Variants in PRSS58 observed in about 807,000 individuals in gnomAD.
The protein encoded by PRSS58 is protease, serine 58.
A neutral mutation model predicts 25.0 loss-of-function variants in PRSS58; 31 were observed. That is an observed-to-expected ratio of 1.24 (90% CI 0.93 to 1.67). The LOEUF is 1.67. Among genes scored for constraint, PRSS58 ranks in the 40% most tolerant of loss-of-function variants. PRSS58 has a pLI of 0.00. For synonymous variants in PRSS58, 119 were observed against 106.1 expected, an observed-to-expected ratio of 1.12 and a Z score of -0.75; for missense variants, 324 against 287.9, an observed-to-expected ratio of 1.13 and a Z score of -0.91.
intron 2 of PRSS58, among the ~76,000 whole-genome samples, chr7:142,256,189 G>A (rs969179668): frequency 1.4e-4 from 21 of 152,148 alleles, no homozygotes; most frequent in Middle Eastern, 3.2e-3. Context: ...TATATGTCAA[G>A]CTCTGTTTTA....
intron 5 of PRSS58, 27 bp from the exon 6 acceptor site, chr7:142,252,397 ACAAAAAAGCAGATTATCTTTCTGG>A: frequency 6.2e-7 from 1 of 1,611,202 alleles, no homozygotes; most frequent in Middle Eastern, 1.7e-4. Flanking sequence ...AATAACAACA[ACAAAAAAGCAGATTATCTTTCTGG>A]CAAGACAGAA....
chr7:142,255,646 G>A lies in PRSS58; in HGVS notation c.68C>T (p.Thr23Ile), dbSNP rs1206532188. The A allele has an allele frequency of 6.2e-7, 1 of 1,613,190 alleles. No homozygotes were observed. Among genetic ancestry groups the A allele is most frequent in the Non-Finnish European group, 8.5e-7 (1 of 1,179,562 alleles). Residue 23 changes from threonine to isoleucine, a missense_variant, in exon 3 of 6, where the codon ACA (threonine) becomes ATA (isoleucine). By Grantham distance (89) the Thr-to-Ile change is moderately conservative (BLOSUM62 -1). Coordinates refer to ENST00000547058, the MANE Select transcript of PRSS58 (RefSeq NM_001001317.5). ...CAAGTAAGGGGGAGTGGAGCTGACT[G>A]TGTAATCTGGATTAAAGGCCAAAGC... Reference protein sequence around the residue: ...TVALAFNPDYTVSSTPPYLVY... With the variant: ...TVALAFNPDYIVSSTPPYLVY...
chr7:142,253,554 A>C (rs2226959), intron 4 of PRSS58, among the ~76,000 whole-genome samples: 1 of 152,134 alleles, frequency 6.6e-6, no homozygotes, highest in East Asian at 1.9e-4. Context: ...TTCCACGGAC[A>C]TTTCTTTGGG....
rs769539195 is a variant in PRSS58 at position 142,255,147 on chromosome 7, T to A, written c.344A>T (p.Asp115Val). Reference protein sequence around the residue: ...IKLKTEAELNDYVKLANLPYQ... With the variant: ...IKLKTEAELNVYVKLANLPYQ... ...GGGCAGGTTGGCTAATTTCACATAG[T>A]CATTGAGTTCAGCCTCTGTTTTCAG... Residue 115 changes from aspartate (D) to valine (V), a missense_variant, in exon 4 of 6, where the codon GAC becomes GTC. By Grantham distance (152) the Asp-to-Val change is radical. Coordinates refer to ENST00000547058, the MANE Select transcript of PRSS58 (RefSeq NM_001001317.5). The A allele has an allele frequency of 3.2e-5, 52 of 1,613,958 alleles. No homozygotes were observed. The highest frequency in any genetic ancestry group is 4.2e-5 in the Non-Finnish European group (49 of 1,179,968).
chr7:142,256,438 G>A (rs1342841976), intron 2 of PRSS58, among the ~76,000 whole-genome samples: 1 of 151,948 alleles, frequency 6.6e-6, no homozygotes, highest in South Asian at 2.1e-4. Flanking sequence ...TGTGTGTTGG[G>A]GGAGAAGGAG....
chr7:142,252,668 C>T, intron 4 of PRSS58, 57 bp from the exon 5 acceptor site: 1 of 1,538,052 alleles, frequency 6.5e-7, no homozygotes, highest in Non-Finnish European at 8.7e-7. Flanking sequence ...ATTAAAACTT[C>T]TTTTAAAAAA....
At chr7:142,255,492 G>T in intron 3 of PRSS58, 43 bp downstream of exon 3, 2 of 1,613,358 alleles carry the variant, frequency 1.2e-6, no homozygotes, top group Non-Finnish European at 1.7e-6. Context: ...TGCCCAACCT[G>T]AGAACCCAAA....
chr7:142,255,351 A>G (rs778471127), intron 3 of PRSS58, 40 bp from the exon 4 acceptor site: 5 of 1,601,562 alleles, frequency 3.1e-6, no homozygotes, highest in Non-Finnish European at 4.3e-6. Context: ...CTTAACAGAG[A>G]TGGCTTCTCC....
Position 142,255,050 on chromosome 7 carries a change from C to A in PRSS58, c.436+5G>T. 1.2e-6 allele frequency: 2 copies of A among 1,613,548 alleles called. No homozygotes were observed. The highest frequency in any genetic ancestry group is 2.2e-5 in the South Asian group (2 of 91,050). The stretch of plus-strand genomic sequence containing the variant: ...TCTGAGAGAAGAACATTGTCTTGAA[C>A]TCACAGATATCACACACATTGTAGC... On this transcript the variant is annotated splice_donor_5th_base_variant and intron_variant, in intron 4 of 5. Coordinates refer to ENST00000547058, the MANE Select transcript of PRSS58 (RefSeq NM_001001317.5).
In PRSS58 at chr7:142,252,355, G is replaced by A; in HGVS notation, c.592C>T (p.Pro198Ser). 3 of 1,613,480 alleles carry A rather than the reference G, an allele frequency of 1.9e-6. No homozygotes were observed. Among genetic ancestry groups the A allele is most frequent in the Admixed American group, 1.7e-5 (1 of 59,920 alleles). ...TGAAGCATCCCATTGCAGATTGCCG[G>A]GGCAGCAGAAACTTCCTGCCAGGAA... is the stretch of plus-strand genomic sequence containing the variant. The part of the protein sequence containing the change: ...RQPCKEVSAA[P>S]AICNGMLQGI... The change falls in exon 6 of 6, where the codon CCG becomes TCG. Residue 198 changes from proline to serine, a missense_variant. Coordinates refer to ENST00000547058, the MANE Select transcript of PRSS58 (RefSeq NM_001001317.5).
At position 142,254,157 on chromosome 7, in the gene PRSS58, G is replaced by A. The variant is rs73160514; in HGVS notation, c.436+898C>T. Among the ~76,000 whole-genome samples the A allele has an allele frequency of 8.6e-3, 1,307 of 152,242 alleles. 9 individuals are homozygous for A. The highest frequency in any genetic ancestry group is 0.014 in the Non-Finnish European group (964 of 68,012). ...ATTATATATACTCAAACTTACTCAT[G>A]AGTAAAGTTGCATTAATAATTCTTC... On this transcript the variant is annotated intron_variant, in intron 4 of 5. Transcript: ENST00000547058.
At position 142,257,457 on chromosome 7, in the gene PRSS58, G is replaced by A. The variant is rs562825819; in HGVS notation, c.40+211C>T. Among the ~76,000 whole-genome samples the A allele has an allele frequency of 7.9e-5, 12 of 152,134 alleles. No homozygotes were observed. In the South Asian group the frequency reaches 1.0e-3, roughly 13 times the overall value. ...CTGGTATTTGAGTGACAATGTCCAC[G>A]CCTCCCACAAAAGCACACAAGCAAA... On this transcript the variant is annotated intron_variant, in intron 2 of 5. Coordinates refer to ENST00000547058, the MANE Select transcript of PRSS58 (RefSeq NM_001001317.5).
chr7:142,255,763 C>A (rs1408867030), intron 2 of PRSS58, 90 bp from the exon 3 acceptor site: 18 of 1,172,242 alleles, frequency 1.5e-5, no homozygotes, highest in Admixed American at 2.6e-5. Context: ...GCTCCAAGTT[C>A]CCCTATCCTT....
Position 142,252,147 on chromosome 7 carries a change from G to A in PRSS58, c.*74C>T. ...ACAGGTATGCATGGGGCAATGTGAG[G>A]AGTTAATTTATATTTAATTCTAAAG... On this transcript the variant is annotated 3_prime_UTR_variant, in exon 6 of 6. Transcript: ENST00000547058. 2.8e-6 allele frequency: 4 copies of A among 1,439,992 alleles called. No individual in the cohort carries two copies. In the South Asian group the frequency reaches 5.5e-5, roughly 20 times the overall value. The allele number at this position is 1,439,992 out of a possible 1,614,324, so 89.2% of individuals were successfully genotyped here. A position where few individuals can be genotyped will look rare whatever the true frequency, so the allele number is the denominator to read the frequency against.
rs1563316428 is a variant in PRSS58 at position 142,252,479 on chromosome 7, G to A, written c.569C>T (p.Pro190Leu). The change falls in exon 5 of 6, where the codon CCC becomes CTC. Residue 190 changes from proline to leucine, a missense_variant. Physicochemically the swap from Pro to Leu is moderately conservative, Grantham distance 98. Transcript: ENST00000547058. The part of the protein sequence containing the change: ...CVGIVPGRRQ[P>L]CKEVSAAPAI... ...GGATGAAGAGTATTTTACCTTGCAGGGCTGCCTCCTTCCTGGCACAATGCC... is the reference window on the plus strand; with the variant it reads ...GGATGAAGAGTATTTTACCTTGCAGAGCTGCCTCCTTCCTGGCACAATGCC... 5 of 1,613,712 alleles carry A rather than the reference G, an allele frequency of 3.1e-6. No homozygotes were observed. The highest frequency in any genetic ancestry group is 4.5e-5 in the East Asian group (2 of 44,892).
intron 4 of PRSS58, among the ~76,000 whole-genome samples, chr7:142,254,131 T>C (rs1798514802): frequency 6.6e-6 from 1 of 152,186 alleles, no homozygotes; most frequent in African/African-American, 2.4e-5. Context: ...GTATGATGTA[T>C]ATTATATATA....
At chr7:142,254,308 T>C (rs899799612) in intron 4 of PRSS58, among the ~76,000 whole-genome samples, 1 of 152,172 alleles carries the variant, frequency 6.6e-6, no homozygotes, top group Non-Finnish European at 1.5e-5. Context: ...AATTTGGAGA[T>C]GGAGTAATGG....
intron 2 of PRSS58, among the ~76,000 whole-genome samples, chr7:142,256,731 G>A (rs1188375911): frequency 6.6e-6 from 1 of 152,146 alleles, no homozygotes; most frequent in African/African-American, 2.4e-5. Context: ...AAAGTGCTGG[G>A]ATTATAGGCA....
In PRSS58 at chr7:142,255,231, A is replaced by G. The variant is rs370798823; in HGVS notation, c.260T>C (p.Met87Thr). 9.9e-6 allele frequency: 16 copies of G among 1,613,776 alleles called. No homozygotes were observed. The highest frequency in any genetic ancestry group is 1.3e-5 in the African/African-American group (1 of 74,916). ...KHLQVIGYEK[M>T]IHHPHFSVTS... ...GACTGAGAAGTGTGGATGATGAATC[A>G]TCTTCTCATAGCCAATCACTTGCAG... is the stretch of plus-strand genomic sequence containing the variant. The change falls in exon 4 of 6, where the codon ATG (methionine) becomes ACG (threonine). Residue 87 changes from methionine to threonine, a missense_variant. Coordinates refer to ENST00000547058, the MANE Select transcript of PRSS58 (RefSeq NM_001001317.5).
Sources: allele counts gnomAD v4.1 joint callset (sites outside exome capture counted in the v4.1 genomes callset), GRCh38; gene constraint gnomAD v4.1.1; transcripts MANE v1.5; gene names NCBI Gene and HGNC (gene_info 2026-07-23, HGNC 2026-07-21).